Variants in METTL25 observed in about 807,000 individuals in gnomAD.
METTL25 encodes the protein methyltransferase like 25, also known as probable methyltransferase-like protein 25.
In METTL25, 64 loss-of-function variants were observed where a neutral mutation model predicts 71.6. The observed-to-expected ratio is 0.89, with a 90% CI of 0.73 to 1.10. The LOEUF (loss-of-function observed/expected upper bound fraction) is 1.10. Among genes scored for constraint, METTL25 ranks in the 50% least tolerant of loss-of-function variants. The pLI is 0.00. For synonymous variants in METTL25, 287 were observed against 250.3 expected (o/e 1.15, Z -1.38); for missense variants, 807 against 707.0 (o/e 1.14, Z -1.60).
chr12:82,424,175 G>T (rs1888778399), intron 5 of METTL25, among the ~76,000 whole-genome samples: 1 of 152,142 alleles, frequency 6.6e-6, no homozygotes, highest in Admixed American at 6.5e-5. Flanking sequence ...AGAAAATGTG[G>T]CACATACACA....
In METTL25 at chr12:82,383,717, A is replaced by G. The variant is rs1455487871; in HGVS notation, c.260-3086A>G. ...TTATTTTTATTTACTAATTATAAATATTATACATTCAGTGATTGTTTTACT... is the reference window on the plus strand; with the variant it reads ...TTATTTTTATTTACTAATTATAAATGTTATACATTCAGTGATTGTTTTACT... On this transcript the variant is annotated intron_variant, in intron 1 of 11. Transcript: ENST00000248306. Among the ~76,000 whole-genome samples, 3 of 152,168 alleles carry G rather than the reference A, an allele frequency of 2.0e-5. No homozygotes were observed. In the East Asian group the frequency reaches 5.8e-4, roughly 29 times the overall value.
intron 9 of METTL25, chr12:82,476,336 C>A: frequency 4.1e-6 from 1 of 243,832 alleles, no homozygotes. Flanking sequence ...TTGATCTCCT[C>A]CTGTGTGTCC....
At chr12:82,422,370 A>G (rs1319206159) in intron 5 of METTL25, among the ~76,000 whole-genome samples, 1 of 152,160 alleles carries the variant, frequency 6.6e-6, no homozygotes, top group African/African-American at 2.4e-5. Context: ...AAAACTCTCA[A>G]TAAATTAGGT....
At chr12:82,450,944 T>A (rs1240368943) in intron 8 of METTL25, among the ~76,000 whole-genome samples, 1 of 152,010 alleles carries the variant, frequency 6.6e-6, no homozygotes, top group Non-Finnish European at 1.5e-5. Flanking sequence ...CTCTCCTCTA[T>A]CACCAGGTTT....
intron 6 of METTL25, among the ~76,000 whole-genome samples, chr12:82,433,208 A>G (rs897821285): frequency 6.6e-6 from 1 of 151,692 alleles, no homozygotes; most frequent in African/African-American, 2.4e-5. Flanking sequence ...CTTGGGGTAT[A>G]TGATATTTTT....
chr12:82,409,489 A>C (rs1398862197), intron 5 of METTL25, among the ~76,000 whole-genome samples: 1 of 152,128 alleles, frequency 6.6e-6, no homozygotes, highest in Non-Finnish European at 1.5e-5. Flanking sequence ...AAAAGGTATA[A>C]ATAGAGGAAG....
intron 1 of METTL25, among the ~76,000 whole-genome samples, chr12:82,378,418 A>G (rs1423780963): frequency 6.6e-6 from 1 of 152,202 alleles, no homozygotes; most frequent in Non-Finnish European, 1.5e-5. Context: ...GGAGCTAGAT[A>G]GAAAAAAAGT....
intron 5 of METTL25, among the ~76,000 whole-genome samples, chr12:82,417,152 GACTA>G (rs1355371470): frequency 3.9e-5 from 6 of 151,936 alleles, no homozygotes; most frequent in African/African-American, 9.7e-5. Context: ...ATGGAACAGA[GACTA>G]AAGTTTAAAA....
In METTL25 at chr12:82,389,838, G is replaced by A. The variant is rs1192609430; in HGVS notation, c.447G>A (p.Glu149=). The change falls in exon 3 of 12, where the codon GAG becomes GAA. Residue 149 remains glutamate, a synonymous_variant. Transcript: ENST00000248306. ...QRIGENQKAV[E]FMNMKKSHEV... The stretch of plus-strand genomic sequence containing the variant: ...TAGGTGAAAATCAGAAGGCAGTTGA[G>A]TTTATGAATATGAAGAAATCTCATG... The A allele has an allele frequency of 1.2e-6, 2 of 1,603,202 alleles. No individual in the cohort carries two copies. The highest frequency in any genetic ancestry group is 1.1e-5 in the South Asian group (1 of 89,784).
chr12:82,442,238 A>T (rs1890403441), intron 8 of METTL25, among the ~76,000 whole-genome samples: 2 of 152,090 alleles, frequency 1.3e-5, no homozygotes, highest in Admixed American at 1.3e-4. Flanking sequence ...GACCTTTAAT[A>T]ATCAATAGAA....
intron 6 of METTL25, among the ~76,000 whole-genome samples, chr12:82,433,093 C>T (rs978418324): frequency 2.6e-5 from 4 of 151,496 alleles, no homozygotes; most frequent in African/African-American, 9.7e-5. Flanking sequence ...TTAATGTTTG[C>T]AAAACACTTT....
chr12:82,362,317 T>C (rs974442590), intron 1 of METTL25, among the ~76,000 whole-genome samples: 1 of 152,244 alleles, frequency 6.6e-6, no homozygotes, highest in African/African-American at 2.4e-5. Context: ...GGGTCAAATA[T>C]TGACTCCAGC....
chr12:82,436,154 C>CA (rs1483765166), intron 7 of METTL25, among the ~76,000 whole-genome samples: 2 of 151,338 alleles, frequency 1.3e-5, no homozygotes, highest in Non-Finnish European at 1.5e-5. Flanking sequence ...TACTTACACT[C>CA]AATCTTATTA....
intron 9 of METTL25, among the ~76,000 whole-genome samples, chr12:82,462,343 A>C (rs1891937217): frequency 6.6e-6 from 1 of 152,126 alleles, no homozygotes; most frequent in East Asian, 1.9e-4. Context: ...TCTTTAACAA[A>C]TATTTCCCTA....
intron 8 of METTL25, among the ~76,000 whole-genome samples, chr12:82,442,388 C>T (rs1227401238): frequency 6.6e-6 from 1 of 152,086 alleles, no homozygotes; most frequent in Non-Finnish European, 1.5e-5. Context: ...CCATGAAATA[C>T]TAAGCAATAA....
intron 8 of METTL25, among the ~76,000 whole-genome samples, chr12:82,449,247 G>A (rs1890965892): frequency 6.6e-6 from 1 of 152,092 alleles, no homozygotes; most frequent in Non-Finnish European, 1.5e-5. Context: ...TTCCCAAATA[G>A]TCATGTCACT....
intron 3 of METTL25, among the ~76,000 whole-genome samples, chr12:82,392,041 T>C (rs1240964068): frequency 6.7e-6 from 1 of 149,776 alleles, no homozygotes; most frequent in African/African-American, 2.4e-5. Context: ...ATGTGAAAAA[T>C]GTCTATTCAG....
intron 5 of METTL25, among the ~76,000 whole-genome samples, chr12:82,428,045 A>G (rs1328165894): frequency 1.3e-5 from 2 of 151,904 alleles, no homozygotes; most frequent in Non-Finnish European, 2.9e-5. Context: ...TCTTGTTTGC[A>G]TGGTCTTAGT....
intron 1 of METTL25, chr12:82,369,547 C>A (rs773108853): frequency 3.7e-5 from 16 of 433,090 alleles, no homozygotes; most frequent in South Asian, 2.6e-4. Flanking sequence ...AGAATGAAGC[C>A]GCGGACCTTC....
Sources: gnomAD v4.1 joint callset for allele counts (sites outside exome capture counted in the v4.1 genomes callset) on GRCh38, gnomAD v4.1.1 for gene constraint, MANE v1.5 for transcripts, NCBI Gene and HGNC (gene_info 2026-07-23, HGNC 2026-07-21) for gene names.